USB1: variants seen among roughly 807,000 people sequenced by gnomAD.
The protein encoded by USB1 is U6 snRNA phosphodiesterase 1.
A neutral mutation model predicts 29.9 loss-of-function variants in USB1; 21 were observed. That is an observed-to-expected ratio of 0.70 (90% CI 0.50 to 1.01). The LOEUF (loss-of-function observed/expected upper bound fraction) is 1.01, where lower values mean the gene tolerates loss of function less well. Among genes scored for constraint, USB1 ranks in the 50% least tolerant of loss-of-function variants. The pLI is 0.00. For synonymous variants in USB1, 143 were observed against 134.9 expected, an observed-to-expected ratio of 1.06 and a Z score of -0.42; for missense variants, 330 against 347.1, an observed-to-expected ratio of 0.95 and a Z score of 0.39.
chr16:58,014,516 C>G (rs986084115), intron 4 of USB1, among the ~76,000 whole-genome samples, 190 bp downstream of exon 4: 3 of 152,218 alleles, frequency 2.0e-5, no homozygotes, highest in African/African-American at 7.2e-5. Context: ...GGCACAGTAG[C>G]GCATGCCTGT....
intron 2 of USB1, among the ~76,000 whole-genome samples, chr16:58,003,741 TTAA>T (rs1159073816): frequency 1.3e-5 from 2 of 152,222 alleles, no homozygotes; most frequent in Non-Finnish European, 2.9e-5. Flanking sequence ...TTTTTGTTTA[TTAA>T]TAAATTTTAA....
rs761098113 is a variant in USB1, at chr16:58,020,170, G to C, written c.723G>C (p.Glu241Asp). Residue 241 changes from glutamate (E) to aspartate (D), a missense_variant, in exon 7 of 7, where the codon GAG becomes GAC. Physicochemically the swap from Glu to Asp is conservative, Grantham distance 45. Coordinates refer to ENST00000219281, the MANE Select transcript of USB1 (RefSeq NM_024598.4). ...TCGTGGATGGGTTTGAAGATGCTGA[G>C]GTGCTGCTGCGCGTGCACACTGAGC... The part of the protein sequence containing the change: ...QAIVDGFEDA[E>D]VLLRVHTEQV... 6.2e-7 allele frequency: 1 copy of C among 1,614,174 alleles called. No individual in the cohort carries two copies. Among genetic ancestry groups the C allele is most frequent in the Non-Finnish European group, 8.5e-7 (1 of 1,180,028 alleles).
chr16:58,007,066 C>G (rs903882192), intron 2 of USB1, among the ~76,000 whole-genome samples: 10 of 152,270 alleles, frequency 6.6e-5, no homozygotes, highest in Middle Eastern at 3.4e-3. Flanking sequence ...GGATAAATCC[C>G]ATTTAGTTGT....
Position 58,012,609 on chromosome 16 carries a change from C to T in USB1, c.450-1664C>T, listed in dbSNP as rs1963522428. The T allele has an allele frequency of 1.6e-5, 22 of 1,371,508 alleles. No individual in the cohort carries two copies. In the Admixed American group the frequency reaches 2.2e-4, roughly 13 times the overall value. 85.0% of individuals were successfully genotyped at this position (1,371,508 alleles called of 1,614,324 possible). On this transcript the variant is annotated intron_variant, in intron 3 of 6. Transcript: ENST00000219281. ...CTCTGATTGGCTTCAGCACAAGTCA[C>T]AGGAATGACTGCCTGGTCTGACCCG...
chr16:58,017,497 C>T (rs1335851308), intron 5 of USB1, 58 bp downstream of exon 5: 52 of 1,520,622 alleles, frequency 3.4e-5, no homozygotes, highest in Middle Eastern at 1.7e-4. Context: ...ATAAAACTGT[C>T]TTTAAAGAAG....
chr16:58,000,589 G>T, upstream of USB1: 1 of 150,706 alleles, frequency 6.6e-6, no homozygotes, highest in South Asian at 1.9e-4. The surrounding 1 kb of genome is among the most constrained non-coding windows in gnomAD (Gnocchi z 4.5). Context: ...CGGAGGAAGC[G>T]ACGCGCGCTG....
chr16:58,005,538 T>C (rs1464648299), intron 2 of USB1, among the ~76,000 whole-genome samples: 1 of 152,256 alleles, frequency 6.6e-6, no homozygotes, highest in African/African-American at 2.4e-5. Context: ...GGCCTGGTTT[T>C]TCCTAGGTTA....
rs954060204 is a variant in USB1, at chr16:58,001,501, G to C, written c.18G>C (p.Leu6=). The C allele has an allele frequency of 1.2e-6, 2 of 1,605,134 alleles. No individual in the cohort carries two copies. Among genetic ancestry groups the C allele is most frequent in the Middle Eastern group, 1.7e-4 (1 of 6,042 alleles). MSAAP[L]VGYSSSGSED... is the part of the protein sequence containing the mutation. ...GAGGCCCCATGAGCGCGGCGCCCCT[G>C]GTGGGCTACAGCAGCAGCGGCTCCG... The change falls in exon 1 of 7, where the codon CTG becomes CTC. Residue 6 remains leucine, a synonymous_variant. Transcript: ENST00000219281.
At chr16:58,016,936 G>C (rs1963629439) in intron 4 of USB1, 1 of 311,436 alleles carries the variant, frequency 3.2e-6, no homozygotes, top group Non-Finnish European at 6.3e-6. Flanking sequence ...CTGAGTGCTT[G>C]TGGGAGGCGT....
chr16:58,000,737 G>A (rs1963161200), upstream of USB1, among the ~76,000 whole-genome samples: 1 of 151,220 alleles, frequency 6.6e-6, no homozygotes, highest in Non-Finnish European at 1.5e-5. The surrounding 1 kb of genome is among the most constrained non-coding windows in gnomAD (Gnocchi z 4.5). Flanking sequence ...CCCGGGCGGC[G>A]GCGGCCAATG....
At position 58,013,861 on chromosome 16, in the gene USB1, ATGT is replaced by A. The variant is rs1362660325; in HGVS notation, c.450-408_450-406del. Reference sequence around the variant, plus strand: ...GAGCTCAGCCCTGACACACGAAGAAATGTTGTCGTGATTGCTTAGATGAAATCG... The same window carrying A: ...GAGCTCAGCCCTGACACACGAAGAAATGTCGTGATTGCTTAGATGAAATCG... On this transcript the variant is annotated intron_variant, in intron 3 of 6. Coordinates refer to ENST00000219281, the MANE Select transcript of USB1 (RefSeq NM_024598.4). This position sits in a 1 kb window ranked among gnomAD's most constrained non-coding sequence, Gnocchi z 4.3. The A allele has an allele frequency of 2.7e-5, 6 of 218,776 alleles. No homozygotes were observed. The highest frequency in any genetic ancestry group is 6.9e-5 in the South Asian group (1 of 14,424). 13.6% of individuals were successfully genotyped at this position (218,776 alleles called of 1,614,324 possible).
Position 58,014,310 on chromosome 16 carries a change from A to C in USB1, c.487A>C (p.Asn163His). ...TGCCAACCAGGTAAAGATTTACACC[A>C]ATCAAGAGAAAACCAGGTGGGTCCT... ...FTANQVKIYT[N>H]QEKTRTFIGL... is the part of the protein sequence containing the mutation. The change falls in exon 4 of 7, where the codon AAT (asparagine) becomes CAT (histidine). Residue 163 changes from asparagine (N) to histidine (H), a missense_variant. Physicochemically the swap from Asn to His is moderately conservative, Grantham distance 68. Transcript: ENST00000219281. 3 of 1,613,870 alleles carry C rather than the reference A, an allele frequency of 1.9e-6. No individual in the cohort carries two copies.
upstream of USB1, chr16:58,000,376 C>CG (rs1963143869): frequency 6.7e-6 from 1 of 149,642 alleles, no homozygotes; most frequent in African/African-American, 2.4e-5. This position sits in a 1 kb window ranked among gnomAD's most constrained non-coding sequence, Gnocchi z 4.5. Context: ...CCCCCAGATG[C>CG]GGCCCCGGGC....
chr16:58,012,210 C>T, intron 3 of USB1: 1 of 1,503,832 alleles, frequency 6.6e-7, no homozygotes, highest in Non-Finnish European at 8.9e-7. Flanking sequence ...GACACTCGGC[C>T]AGGGAATAAG....
At chr16:58,002,680 CAT>C (rs775380767) in intron 2 of USB1, 35 bp downstream of exon 2, 78 of 1,612,910 alleles carry the variant, frequency 4.8e-5, no homozygotes, top group Non-Finnish European at 1.4e-5. Flanking sequence ...TGCCAAGACC[CAT>C]AGACCCGTAG....
intron 2 of USB1, among the ~76,000 whole-genome samples, chr16:58,002,904 G>A (rs1183910518): frequency 6.6e-6 from 1 of 152,194 alleles, no homozygotes; most frequent in Non-Finnish European, 1.5e-5. Flanking sequence ...GTGACCAAAG[G>A]AGAATCTGGA....
Position 58,019,068 on chromosome 16 carries a change from G to A in USB1, c.693+13G>A. Reference sequence around the variant, plus strand: ...GCAGGAACTACAGGTGAATTTCCAGGGCGGGAGCACAGAGGGCGCTGAACT... The same window carrying A: ...GCAGGAACTACAGGTGAATTTCCAGAGCGGGAGCACAGAGGGCGCTGAACT... On this transcript the variant is annotated intron_variant, in intron 6 of 6. Transcript: ENST00000219281. 1.2e-6 allele frequency: 2 copies of A among 1,613,880 alleles called. No homozygotes were observed. Among genetic ancestry groups the A allele is most frequent in the South Asian group, 1.1e-5 (1 of 91,018 alleles).
intron 4 of USB1, chr16:58,015,422 T>C (rs943042729): frequency 4.6e-5 from 7 of 152,224 alleles, no homozygotes; most frequent in African/African-American, 1.7e-4. Context: ...CGAGCCTCCC[T>C]GTCTGATGCA....
Position 58,014,231 on chromosome 16 carries a change from T to C in USB1, c.450-42T>C, listed in dbSNP as rs1337820736. The C allele has an allele frequency of 2.6e-6, 4 of 1,554,770 alleles. No individual in the cohort carries two copies. In the African/African-American group the frequency reaches 4.1e-5, roughly 16 times the overall value. On this transcript the variant is annotated intron_variant, in intron 3 of 6. Transcript: ENST00000219281. ...AACATAAGCTATTTTTTCTGCTTTT[T>C]TTCTTACGATTTTTCCTGAAATATG... is the stretch of plus-strand genomic sequence containing the variant.
Sources: gnomAD v4.1 joint callset for allele counts (sites outside exome capture counted in the v4.1 genomes callset) on GRCh38, gnomAD v4.1.1 for gene constraint, Gnocchi (gnomAD v3.1) non-coding constraint, MANE v1.5 for transcripts, NCBI Gene and HGNC (gene_info 2026-07-23, HGNC 2026-07-21) for gene names.